AZIN2: variants seen among roughly 807,000 people sequenced by gnomAD.
AZIN2 encodes ODC antizyme inhibitor-2.
Under a neutral mutation model 47.8 loss-of-function variants are expected in AZIN2, and 28 were observed. The ratio of observed to expected loss-of-function variants is 0.59; its 90% CI spans 0.43 to 0.80. The LOEUF (loss-of-function observed/expected upper bound fraction) is 0.80, where lower values mean the gene tolerates loss of function less well. AZIN2 is among the 30% of genes least tolerant of loss of function. AZIN2 has a pLI of 0.00. For synonymous variants in AZIN2, 221 were observed against 239.4 expected (o/e 0.92, Z 0.71); for missense variants, 535 against 582.5 (o/e 0.92, Z 0.84).
intron 5 of AZIN2, 94 bp from the exon 6 acceptor site, chr1:33,091,956 C>T: frequency 7.4e-7 from 1 of 1,357,404 alleles, no homozygotes; most frequent in South Asian, 1.4e-5. Context: ...CCTCCCTATG[C>T]ATAGCTATGA....
intron 10 of AZIN2, chr1:33,101,706 A>C: frequency 1.7e-6 from 1 of 581,350 alleles, no homozygotes; most frequent in Non-Finnish European, 3.1e-6. Context: ...CTTTTTCAGT[A>C]TAGGTTTATC....
chr1:33,092,649 C>T (rs1019311595), intron 6 of AZIN2, among the ~76,000 whole-genome samples: 5 of 151,746 alleles, frequency 3.3e-5, no homozygotes, highest in East Asian at 1.9e-4. Context: ...TAGTGAACTG[C>T]GTAAGCAAAT....
intron 8 of AZIN2, 143 bp from the exon 9 acceptor site, chr1:33,096,563 AT>A (rs982783038): frequency 1.0e-6 from 1 of 987,976 alleles, no homozygotes; most frequent in African/African-American, 1.6e-5. Flanking sequence ...GTCCACAGTT[AT>A]CAGCTGGGGC....
chr1:33,097,829 C>G (rs756761705), intron 9 of AZIN2, among the ~76,000 whole-genome samples: 1 of 152,144 alleles, frequency 6.6e-6, no homozygotes, highest in African/African-American at 2.4e-5. Context: ...GGCTCAGATG[C>G]AAGCAGGGGA....
chr1:33,111,461 A>G (rs1644282141), intron 10 of AZIN2, among the ~76,000 whole-genome samples: 1 of 152,208 alleles, frequency 6.6e-6, no homozygotes, highest in African/African-American at 2.4e-5. Context: ...AATAGAAATA[A>G]GATAATATAA....
chr1:33,111,081 G>A (rs1644265775), intron 10 of AZIN2, among the ~76,000 whole-genome samples: 1 of 152,246 alleles, frequency 6.6e-6, no homozygotes, highest in Non-Finnish European at 1.5e-5. Context: ...GAAGCAGCCT[G>A]CTGCTGAGTG....
rs1302435922 is a variant in AZIN2 at position 33,120,241 on chromosome 1, G to T, written c.*59G>T. The stretch of plus-strand genomic sequence containing the variant: ...GGCCTCAGAGATGCATCTGGGAGAG[G>T]TGGGGAAGATGGCAGGCAAGGGTAC... On this transcript the variant is annotated 3_prime_UTR_variant, in exon 12 of 12. Coordinates refer to ENST00000294517, the MANE Select transcript of AZIN2 (RefSeq NM_052998.4). 1 of 1,545,198 alleles carries T rather than the reference G, an allele frequency of 6.5e-7. No individual in the cohort carries two copies. Among genetic ancestry groups the T allele is most frequent in the Non-Finnish European group, 8.8e-7 (1 of 1,141,220 alleles).
chr1:33,096,264 G>T lies in AZIN2; in HGVS notation c.754-443G>T, dbSNP rs12044429. 5.3e-5 allele frequency among the ~76,000 whole-genome samples: 8 copies of T among 152,334 alleles called. No individual in the cohort carries two copies. In the East Asian group the frequency reaches 1.5e-3, roughly 29 times the overall value. On this transcript the variant is annotated intron_variant, in intron 8 of 11. Coordinates refer to ENST00000294517, the MANE Select transcript of AZIN2 (RefSeq NM_052998.4). ...TCAAGTTGAGAAAGCTGTGGAGGAG[G>T]AGCAGGAAGAGGAGGGCTTGGTCTT...
chr1:33,115,860 C>G lies in AZIN2; in HGVS notation c.1030-2042C>G, dbSNP rs191576000. Among the ~76,000 whole-genome samples the G allele has an allele frequency of 3.0e-3, 463 of 152,306 alleles. 3 individuals carry two copies. The highest frequency in any genetic ancestry group is 4.7e-3 in the Non-Finnish European group (319 of 68,012). On this transcript the variant is annotated intron_variant, in intron 10 of 11. Coordinates refer to ENST00000294517, the MANE Select transcript of AZIN2 (RefSeq NM_052998.4). ...CTTATAATCCAAGGGTGCCTTTTCT[C>G]TTTACCATGGAAGAATCTTTAAAAT...
the AZIN2 span, among the ~76,000 whole-genome samples, chr1:33,155,672 A>G: frequency 6.6e-6 from 1 of 152,192 alleles, no homozygotes. Flanking sequence ...TCCGTTACTT[A>G]TTCTGAAAAA....
chr1:33,165,705 C>G, the AZIN2 span: 1 of 623,218 alleles, frequency 1.6e-6, no homozygotes, highest in Non-Finnish European at 2.6e-6. This position sits in a 1 kb window ranked among gnomAD's most constrained non-coding sequence, Gnocchi z 4.0. Context: ...ACAGTTCAAC[C>G]ACCAGCAAGT....
the AZIN2 span, chr1:33,147,630 C>T: frequency 6.2e-7 from 1 of 1,614,042 alleles, no homozygotes; most frequent in South Asian, 1.1e-5. This position sits in a 1 kb window ranked among gnomAD's most constrained non-coding sequence, Gnocchi z 8.1. Context: ...CCTGCAGTGG[C>T]TGTGGGTGCA....
the AZIN2 span, among the ~76,000 whole-genome samples, chr1:33,161,334 C>T: frequency 4.6e-5 from 7 of 152,186 alleles, no homozygotes; most frequent in Non-Finnish European, 8.8e-5. The surrounding 1 kb of genome is among the most constrained non-coding windows in gnomAD (Gnocchi z 4.3). Context: ...CAGGACGACA[C>T]GGGCTATAGA....
the AZIN2 span, chr1:33,146,004 G>A: frequency 2.3e-6 from 1 of 443,908 alleles, no homozygotes; most frequent in South Asian, 1.6e-5. Flanking sequence ...TCTATTGGCT[G>A]GCACGGACCG....
chr1:33,098,195 G>A lies in AZIN2; in HGVS notation c.1029+16G>A, dbSNP rs1643363464. The A allele has an allele frequency of 2.5e-6, 4 of 1,572,542 alleles. No individual in the cohort carries two copies. The highest frequency in any genetic ancestry group is 1.8e-5 in the Admixed American group (1 of 56,320). The stretch of plus-strand genomic sequence containing the variant: ...CCTGCAGAAGGTGAGCTTACCCCAC[G>A]TGGGCCTGTTTTCAGTTGTGTGTGT... On this transcript the variant is annotated intron_variant, in intron 10 of 11. Coordinates refer to ENST00000294517, the MANE Select transcript of AZIN2 (RefSeq NM_052998.4).
intron 11 of AZIN2, 126 bp from the exon 12 acceptor site, chr1:33,119,918 C>A: frequency 7.4e-7 from 1 of 1,351,978 alleles, no homozygotes; most frequent in Non-Finnish European, 1.0e-6. Context: ...CAGCCTGTCC[C>A]TGCCCCTGCC....
At chr1:33,133,311 G>T in the AZIN2 span, among the ~76,000 whole-genome samples, 6 of 152,236 alleles carry the variant, frequency 3.9e-5, 1 homozygote, top group South Asian at 6.2e-4. Context: ...AGAGGAAGGA[G>T]AGTTTCTCTT....
intron 10 of AZIN2, among the ~76,000 whole-genome samples, chr1:33,100,178 G>A (rs1338981185): frequency 3.9e-5 from 6 of 152,068 alleles, no homozygotes; most frequent in South Asian, 2.1e-4. Flanking sequence ...AAAATTAGCC[G>A]GGCATGATGG....
the AZIN2 span, among the ~76,000 whole-genome samples, chr1:33,132,393 T>C: frequency 1.3e-5 from 2 of 152,250 alleles, no homozygotes; most frequent in African/African-American, 4.8e-5. Context: ...CATAAGTGAT[T>C]GGACATGGCT....
Sources: gnomAD v4.1 joint callset for allele counts (sites outside exome capture counted in the v4.1 genomes callset) on GRCh38, gnomAD v4.1.1 for gene constraint, Gnocchi (gnomAD v3.1) non-coding constraint, MANE v1.5 for transcripts, NCBI Gene and HGNC (gene_info 2026-07-23, HGNC 2026-07-21) for gene names.